Variants in MUL1 observed in about 807,000 individuals in gnomAD.
The protein encoded by MUL1 is mitochondrial E3 ubiquitin protein ligase 1, also known as mitochondrial ubiquitin ligase activator of NFKB 1.
A neutral mutation model predicts 34.1 loss-of-function variants in MUL1; 30 were observed. The ratio of observed to expected loss-of-function variants is 0.88; its 90% CI spans 0.66 to 1.19. The LOEUF is 1.19. Ranked by LOEUF, MUL1 falls within the 50% of genes most tolerant of loss-of-function variation. MUL1 has a pLI of 0.00. For synonymous variants in MUL1, 191 were observed against 187.8 expected (o/e 1.02, Z -0.14); for missense variants, 419 against 450.5 (o/e 0.93, Z 0.63).
At chr1:20,502,931 C>T (rs1465216267) in intron 2 of MUL1, among the ~76,000 whole-genome samples, 5 of 151,922 alleles carry the variant, frequency 3.3e-5, no homozygotes, top group African/African-American at 1.2e-4. Context: ...TTCTGATCAC[C>T]ATAAGTCACA....
intron 1 of MUL1, among the ~76,000 whole-genome samples, chr1:20,503,876 T>A (rs935715754): frequency 2.0e-5 from 3 of 146,370 alleles, no homozygotes; most frequent in African/African-American, 7.5e-5. Flanking sequence ...CATTCTACAT[T>A]TTTTTTTTTT....
At position 20,502,203 on chromosome 1, in the gene MUL1, A is replaced by G. The variant is rs557284121; in HGVS notation, c.209-14T>C. ...ACCGCACAGCTCCTAAGTGGACACA[A>G]ATTCTATTATTTCTGAAGAAGTTTT... On this transcript the variant is annotated splice_polypyrimidine_tract_variant and intron_variant, in intron 2 of 3. Transcript: ENST00000264198. 6.4e-5 allele frequency: 104 copies of G among 1,613,556 alleles called. No individual in the cohort carries two copies. The South Asian group carries it at 1.1e-3, about 17-fold the overall frequency.
rs1356764951 is a variant in MUL1 at position 20,500,132 on chromosome 1, G to GTT, written c.*557_*558insAA. 9.8e-5 allele frequency: 15 copies of GTT among 152,668 alleles called. No individual in the cohort carries two copies. The highest frequency in any genetic ancestry group is 9.8e-4 in the Admixed American group (15 of 15,326). The allele number at this position is 152,668 out of a possible 1,614,324, so 9.5% of individuals were successfully genotyped here. A position where few individuals can be genotyped will look rare whatever the true frequency, so the allele number is the denominator to read the frequency against. ...GTGCAGGCGTTAAGGAGGCAAGCAGGTGAGGGGAAAGGAACACAAGTTGAC... is the reference window on the plus strand; with the variant it reads ...GTGCAGGCGTTAAGGAGGCAAGCAGGTTTGAGGGGAAAGGAACACAAGTTGAC... On this transcript the variant is annotated 3_prime_UTR_variant, in exon 4 of 4. Coordinates refer to ENST00000264198, the MANE Select transcript of MUL1 (RefSeq NM_024544.3).
In MUL1 at chr1:20,501,934, G is replaced by C. The variant is rs1393045151; in HGVS notation, c.329+135C>G. 1.6e-5 allele frequency: 18 copies of C among 1,141,144 alleles called. No individual in the cohort carries two copies. The highest frequency in any genetic ancestry group is 2.3e-5 in the Non-Finnish European group (18 of 786,254). The allele number at this position is 1,141,144 out of a possible 1,614,324, so 70.7% of individuals were successfully genotyped here. On this transcript the variant is annotated intron_variant, in intron 3 of 3. Transcript: ENST00000264198. The surrounding 1 kb of genome is among the most constrained non-coding windows in gnomAD (Gnocchi z 4.2). ...TAGGAGGCCCACAGGCTACACACAAGAATATGACCTGCATTAAGAGACTGG... is the reference window on the plus strand; with the variant it reads ...TAGGAGGCCCACAGGCTACACACAACAATATGACCTGCATTAAGAGACTGG...
chr1:20,505,360 T>C (rs1475744437), intron 1 of MUL1, among the ~76,000 whole-genome samples: 1 of 151,868 alleles, frequency 6.6e-6, no homozygotes, highest in Non-Finnish European at 1.5e-5. Flanking sequence ...CAAAGTGGGA[T>C]AGCTGCTTGA....
chr1:20,504,323 C>T (rs1392791101), intron 1 of MUL1, among the ~76,000 whole-genome samples: 4 of 152,100 alleles, frequency 2.6e-5, no homozygotes, highest in Non-Finnish European at 4.4e-5. Context: ...ACTGCTGTTT[C>T]AAAAATAAGA....
At position 20,501,472 on chromosome 1, in the gene MUL1, G is replaced by T; in HGVS notation, c.330-53C>A. The T allele has an allele frequency of 6.4e-7, 1 of 1,558,232 alleles. No individual in the cohort carries two copies. Among genetic ancestry groups the T allele is most frequent in the Non-Finnish European group, 8.7e-7 (1 of 1,151,068 alleles). On this transcript the variant is annotated intron_variant, in intron 3 of 3. Transcript: ENST00000264198. The surrounding 1 kb of genome is among the most constrained non-coding windows in gnomAD (Gnocchi z 4.2). The stretch of plus-strand genomic sequence containing the variant: ...AGGGTAGCAAACAGCAAACACCCAG[G>T]CAGAACTGGAGATCAACTAAATGTG...
intron 1 of MUL1, among the ~76,000 whole-genome samples, chr1:20,507,344 T>G (rs765148643): frequency 1.5e-4 from 23 of 152,088 alleles, no homozygotes; most frequent in Non-Finnish European, 3.1e-4. Context: ...AGGAGTGGAG[T>G]GGTTCAGTAA....
At chr1:20,503,634 G>A (rs17412284) in intron 1 of MUL1, among the ~76,000 whole-genome samples, 11,720 of 152,200 alleles carry the variant, frequency 0.077, 554 homozygotes, top group Non-Finnish European at 0.11. Flanking sequence ...ACCACAGACT[G>A]AACATCATTC....
At chr1:20,502,248 A>C in intron 2 of MUL1, 59 bp from the exon 3 acceptor site, 6 of 1,608,982 alleles carry the variant, frequency 3.7e-6, no homozygotes, top group Non-Finnish European at 5.1e-6. Flanking sequence ...CCTTTCAGAT[A>C]ATTTAAAATG....
intron 1 of MUL1, 97 bp from the exon 2 acceptor site, chr1:20,503,406 CGT>C (rs911826671): frequency 1.4e-6 from 1 of 700,034 alleles, no homozygotes; most frequent in African/African-American, 1.8e-5. Context: ...CTATTTTTTT[CGT>C]GTCAAGAGAA....
At chr1:20,505,347 G>A (rs1160149509) in intron 1 of MUL1, among the ~76,000 whole-genome samples, 1 of 152,110 alleles carries the variant, frequency 6.6e-6, no homozygotes, top group East Asian at 1.9e-4. Flanking sequence ...CACTTTGGGA[G>A]TCCAAAGTGG....
At chr1:20,502,027 A>G (rs747723809) in intron 3 of MUL1, 42 bp downstream of exon 3, 5 of 1,611,304 alleles carry the variant, frequency 3.1e-6, no homozygotes, top group Non-Finnish European at 3.4e-6. Flanking sequence ...ATTTGAATAG[A>G]CCAACTGCAA....
intron 1 of MUL1, among the ~76,000 whole-genome samples, chr1:20,506,856 AAAAAG>A (rs775900584): frequency 0.075 from 11,065 of 148,438 alleles, 445 homozygotes; most frequent in South Asian, 0.11. Flanking sequence ...TCTCAAAAAA[AAAAAG>A]AAAAAGAAAA....
chr1:20,502,175 C>T lies in MUL1; in HGVS notation c.223G>A (p.Val75Ile). Residue 75 changes from valine (V) to isoleucine (I), a missense_variant, in exon 3 of 4, where the codon GTT becomes ATT. Transcript: ENST00000264198. ...AACTGGCTGTTAAGCGTTTCTTTAA[C>T]AGACCGCACAGCTCCTAAGTGGACA... ...YAVIEGAVRSVKETLNSQFVE... is the reference protein window; with the variant it reads ...YAVIEGAVRSIKETLNSQFVE... 3.1e-6 allele frequency: 5 copies of T among 1,614,136 alleles called. No individual in the cohort carries two copies. The highest frequency in any genetic ancestry group is 4.2e-6 in the Non-Finnish European group (5 of 1,180,028).
At position 20,501,017 on chromosome 1, in the gene MUL1, C is replaced by A. The variant is rs777854993; in HGVS notation, c.732G>T (p.Ala244=). Residue 244 remains alanine, a synonymous_variant, in exon 4 of 4, where the codon GCG becomes GCT. Coordinates refer to ENST00000264198, the MANE Select transcript of MUL1 (RefSeq NM_024544.3). The surrounding 1 kb of genome is among the most constrained non-coding windows in gnomAD (Gnocchi z 4.2). ...CACATGTGGCAAAGCCAAAAACCAG[C>A]GCCAGCACCTTCCAGAGCCTGACGC... The part of the protein sequence containing the change: ...ESSVRLWKVL[A]LVFGFATCAT... The A allele has an allele frequency of 8.7e-6, 14 of 1,613,932 alleles. No homozygotes were observed. The highest frequency in any genetic ancestry group is 4.5e-5 in the East Asian group (2 of 44,888).
At chr1:20,504,699 T>C (rs566812278) in intron 1 of MUL1, among the ~76,000 whole-genome samples, 26 of 152,352 alleles carry the variant, frequency 1.7e-4, no homozygotes, top group Non-Finnish European at 3.1e-4. Flanking sequence ...CTGTTTGTCC[T>C]GTTCACTGCT....
rs200387587 is a variant in MUL1 at position 20,502,130 on chromosome 1, C to G, written c.268G>C (p.Val90Leu). ...TCCTGAAGTGTCAGCCGCTGAATTACCCCCTTGCAGTTTTCCACAAACTGG... is the reference window on the plus strand; with the variant it reads ...TCCTGAAGTGTCAGCCGCTGAATTAGCCCCTTGCAGTTTTCCACAAACTGG... The part of the protein sequence containing the change: ...NSQFVENCKG[V>L]IQRLTLQEHK... Residue 90 changes from valine (V) to leucine (L), a missense_variant, in exon 3 of 4, where the codon GTA becomes CTA. Coordinates refer to ENST00000264198, the MANE Select transcript of MUL1 (RefSeq NM_024544.3). The G allele has an allele frequency of 1.2e-6, 2 of 1,614,172 alleles. No homozygotes were observed. The highest frequency in any genetic ancestry group is 1.1e-5 in the South Asian group (1 of 91,076).
chr1:20,503,323 AAAAATT>A lies in MUL1; in HGVS notation c.121-20_121-15del. 6.6e-7 allele frequency: 1 copy of A among 1,523,734 alleles called. No individual in the cohort carries two copies. Among genetic ancestry groups the A allele is most frequent in the Non-Finnish European group, 8.9e-7 (1 of 1,121,906 alleles). 94.4% of individuals were successfully genotyped at this position (1,523,734 alleles called of 1,614,324 possible). A position where few individuals can be genotyped will look rare whatever the true frequency, so the allele number is the denominator to read the frequency against. Reference sequence around the variant, plus strand: ...TTTTTTAGCTCCCTAAATAAAAAAAAAAAATTAAATTAATTGGCCATTGAACACTGA... The same window carrying A: ...TTTTTTAGCTCCCTAAATAAAAAAAAAAATTAATTGGCCATTGAACACTGA... On this transcript the variant is annotated splice_polypyrimidine_tract_variant and intron_variant, in intron 1 of 3. Coordinates refer to ENST00000264198, the MANE Select transcript of MUL1 (RefSeq NM_024544.3).
Sources: gnomAD v4.1 joint callset for allele counts (sites outside exome capture counted in the v4.1 genomes callset) on GRCh38, gnomAD v4.1.1 for gene constraint, Gnocchi (gnomAD v3.1) non-coding constraint, MANE v1.5 for transcripts, NCBI Gene and HGNC (gene_info 2026-07-23, HGNC 2026-07-21) for gene names.